The following LPAR1 variants were observed in gnomAD, a reference collection of about 807,000 sequenced individuals.
The protein encoded by LPAR1 is lysophosphatidic acid receptor 1, also known as LPA receptor 1.
In LPAR1, 5 loss-of-function variants were observed where a neutral mutation model predicts 23.8. The observed-to-expected ratio is 0.21, with a 90% CI of 0.11 to 0.44. LPAR1 has a LOEUF of 0.44. Ranked by LOEUF, LPAR1 falls within the 20% of genes least tolerant of loss-of-function variation. The pLI, the probability that LPAR1 is intolerant of heterozygous loss-of-function variation, is 0.99. For missense variants in LPAR1, 311 were observed against 482.8 expected (o/e 0.64, Z 3.33); for synonymous variants, 160 against 164.7 (o/e 0.97, Z 0.22).
intron 2 of LPAR1, among the ~76,000 whole-genome samples, chr9:110,991,834 C>T (rs2096901245): frequency 6.6e-6 from 1 of 152,154 alleles, no homozygotes; most frequent in Admixed American, 6.5e-5. Context: ...CTCAGGTGAT[C>T]CGCCCACCTC....
intron 4 of LPAR1, among the ~76,000 whole-genome samples, chr9:110,949,156 C>T (rs2095490609): frequency 6.6e-6 from 1 of 152,016 alleles, no homozygotes; most frequent in African/African-American, 2.4e-5. Context: ...TCCCACTCAC[C>T]GCCTAACACT....
intron 4 of LPAR1, among the ~76,000 whole-genome samples, chr9:110,947,630 T>C (rs748769269): frequency 2.0e-5 from 3 of 152,250 alleles, no homozygotes; most frequent in Non-Finnish European, 2.9e-5. Flanking sequence ...TGAACGTTTA[T>C]AGGATACCAG....
intron 5 of LPAR1, among the ~76,000 whole-genome samples, chr9:110,903,694 T>C (rs2090130780): frequency 6.6e-6 from 1 of 151,698 alleles, no homozygotes; most frequent in Non-Finnish European, 1.5e-5. Flanking sequence ...TCATCAAAGG[T>C]CCAGAATAGA....
chr9:110,995,138 T>C (rs1371645307), intron 2 of LPAR1, among the ~76,000 whole-genome samples: 2 of 152,162 alleles, frequency 1.3e-5, no homozygotes, highest in African/African-American at 2.4e-5. Context: ...TCTTTGAAGA[T>C]GGTACATTAT....
chr9:110,912,482 T>A (rs932270574), intron 5 of LPAR1, among the ~76,000 whole-genome samples: 8 of 152,226 alleles, frequency 5.3e-5, no homozygotes, highest in Admixed American at 2.6e-4. Context: ...CAGAGTTTTC[T>A]CATTTTTTTC....
At chr9:110,987,670 GTATA>G (rs34757955) in intron 2 of LPAR1, among the ~76,000 whole-genome samples, 35 of 147,686 alleles carry the variant, frequency 2.4e-4, no homozygotes, top group Admixed American at 4.8e-4. Flanking sequence ...GAACCTACAT[GTATA>G]TATATATATA....
chr9:111,030,416 T>A (rs988830085), intron 2 of LPAR1, among the ~76,000 whole-genome samples: 48 of 152,222 alleles, frequency 3.2e-4, no homozygotes, highest in Non-Finnish European at 6.6e-4. Flanking sequence ...GAACACACCA[T>A]CCTTATCATC....
At chr9:110,989,973 TTAG>T (rs933561788) in intron 2 of LPAR1, among the ~76,000 whole-genome samples, 86 of 19,988 alleles carry the variant, frequency 4.3e-3, no homozygotes, top group African/African-American at 0.015. Context: ...ACAGAGTAGA[TTAG>T]TAGATTTTAG....
chr9:111,029,851 G>C (rs1021928948), intron 2 of LPAR1, among the ~76,000 whole-genome samples: 2 of 151,776 alleles, frequency 1.3e-5, no homozygotes, highest in South Asian at 2.1e-4. Context: ...AGGAGTTCAA[G>C]ACCAGCCTGG....
intron 4 of LPAR1, among the ~76,000 whole-genome samples, chr9:110,951,441 G>C (rs2095565525): frequency 6.6e-6 from 1 of 151,978 alleles, no homozygotes; most frequent in Non-Finnish European, 1.5e-5. Flanking sequence ...AGTCAAAAAG[G>C]GAAAAGACAA....
At chr9:110,985,086 A>T (rs2096753074) in intron 2 of LPAR1, among the ~76,000 whole-genome samples, 2 of 152,064 alleles carry the variant, frequency 1.3e-5, no homozygotes, top group Non-Finnish European at 2.9e-5. Context: ...CAGTGAAGCA[A>T]ATGGTTCAGC....
At chr9:110,959,419 C>A (rs139614165) in intron 4 of LPAR1, among the ~76,000 whole-genome samples, 1 of 151,962 alleles carries the variant, frequency 6.6e-6, no homozygotes, top group South Asian at 2.1e-4. Context: ...AGTTCAAGAC[C>A]AGCCTGGGCA....
chr9:110,977,655 G>A (rs941886911), intron 2 of LPAR1, among the ~76,000 whole-genome samples: 7 of 152,064 alleles, frequency 4.6e-5, no homozygotes, highest in Admixed American at 1.3e-4. Context: ...ACTAATGCAC[G>A]CGGGGCTTAA....
At chr9:110,987,078 T>G (rs184895622) in intron 2 of LPAR1, among the ~76,000 whole-genome samples, 5 of 152,164 alleles carry the variant, frequency 3.3e-5, no homozygotes, top group Non-Finnish European at 7.4e-5. Context: ...TCCTAAAAAG[T>G]GTGCTGAATC....
intron 5 of LPAR1, among the ~76,000 whole-genome samples, chr9:110,906,545 A>G (rs555842245): frequency 3.3e-5 from 5 of 152,178 alleles, no homozygotes; most frequent in Non-Finnish European, 7.4e-5. Context: ...TCAAAATATT[A>G]TCTAATAAAA....
At chr9:110,899,247 T>TA (rs2087707502) in intron 5 of LPAR1, among the ~76,000 whole-genome samples, 1 of 152,218 alleles carries the variant, frequency 6.6e-6, no homozygotes, top group Admixed American at 6.5e-5. Flanking sequence ...GAAATGGCTA[T>TA]CTTTTTTCAT....
At chr9:110,983,415 C>G (rs753063767) in intron 2 of LPAR1, among the ~76,000 whole-genome samples, 2 of 152,014 alleles carry the variant, frequency 1.3e-5, no homozygotes, top group African/African-American at 4.8e-5. Flanking sequence ...CAAAAAAGGA[C>G]AAATACTCCA....
At chr9:110,922,799 T>C (rs1024524052) in intron 5 of LPAR1, among the ~76,000 whole-genome samples, 5 of 147,072 alleles carry the variant, frequency 3.4e-5, no homozygotes, top group Admixed American at 1.4e-4. Flanking sequence ...GTGAGTTGCA[T>C]ATCTGTTTTC....
intron 5 of LPAR1, among the ~76,000 whole-genome samples, chr9:110,910,846 T>C (rs1349279429): frequency 6.6e-6 from 1 of 152,218 alleles, no homozygotes; most frequent in Non-Finnish European, 1.5e-5. Context: ...CACCTGAAGA[T>C]GTAGCTAAAT....
Sources: gnomAD v4.1 joint callset for allele counts (sites outside exome capture counted in the v4.1 genomes callset) on GRCh38, gnomAD v4.1.1 for gene constraint, MANE v1.5 for transcripts, NCBI Gene and HGNC (gene_info 2026-07-23, HGNC 2026-07-21) for gene names.